The following GSG1L variants were observed in gnomAD, a reference collection of about 807,000 sequenced individuals.
The protein encoded by GSG1L is germ cell-specific gene 1-like protein.
GSG1L carries 24 observed loss-of-function variants against 42.1 expected under a neutral mutation model. The ratio of observed to expected loss-of-function variants is 0.57; its 90% CI spans 0.41 to 0.80. The LOEUF is 0.80. GSG1L is among the 30% of genes least tolerant of loss of function. The pLI is 0.00. For synonymous variants in GSG1L, 215 were observed against 203.5 expected (o/e 1.06, Z -0.48); for missense variants, 445 against 472.2 (o/e 0.94, Z 0.53).
chr16:28,043,369 G>A (rs2086129507), intron 1 of GSG1L, among the ~76,000 whole-genome samples: 1 of 152,196 alleles, frequency 6.6e-6, no homozygotes, highest in East Asian at 1.9e-4. Flanking sequence ...TTGAGGCTCG[G>A]AGTCCTCTCT....
chr16:27,980,426 A>G (rs969065246), intron 1 of GSG1L, among the ~76,000 whole-genome samples: 3 of 152,144 alleles, frequency 2.0e-5, no homozygotes, highest in African/African-American at 7.2e-5. Flanking sequence ...CAACAGAGAG[A>G]GGCAGTAGCA....
At chr16:27,980,050 C>A (rs2141124503) in intron 1 of GSG1L, among the ~76,000 whole-genome samples, 1 of 152,230 alleles carries the variant, frequency 6.6e-6, no homozygotes, top group Non-Finnish European at 1.5e-5. Flanking sequence ...GGCGTCTTCC[C>A]AAGCCAGAAG....
At chr16:27,994,466 C>T (rs1159642973) in intron 1 of GSG1L, among the ~76,000 whole-genome samples, 1 of 152,180 alleles carries the variant, frequency 6.6e-6, no homozygotes, top group African/African-American at 2.4e-5. Context: ...GCTGATAATA[C>T]TTCCTAATAC....
intron 2 of GSG1L, among the ~76,000 whole-genome samples, chr16:27,946,602 AGAGAGAGAGAG>A (rs2084866891): frequency 2.9e-4 from 2 of 6,870 alleles, no homozygotes; most frequent in Admixed American, 2.6e-3. Context: ...AGAGAGAGAG[AGAGAGAGAGAG>A]AGAGAGAGAG....
intron 2 of GSG1L, among the ~76,000 whole-genome samples, chr16:27,901,119 C>T (rs71389816): frequency 0.057 from 8,661 of 152,202 alleles, 308 homozygotes; most frequent in Non-Finnish European, 0.084. Context: ...CAGAGCGAGA[C>T]GCTGTCTCAA....
chr16:27,834,082 G>T (rs1283014837), intron 4 of GSG1L, among the ~76,000 whole-genome samples: 3 of 152,002 alleles, frequency 2.0e-5, no homozygotes, highest in African/African-American at 4.8e-5. Flanking sequence ...TTTTATAGAT[G>T]GTCTTTATCA....
intron 2 of GSG1L, among the ~76,000 whole-genome samples, chr16:27,960,043 C>T (rs991987089): frequency 1.3e-5 from 2 of 151,844 alleles, no homozygotes; most frequent in South Asian, 4.2e-4. Context: ...GAGCAGGGGA[C>T]AAGAGGGTAT....
intron 1 of GSG1L, among the ~76,000 whole-genome samples, chr16:28,037,924 A>G (rs1244272064): frequency 3.3e-5 from 5 of 152,104 alleles, no homozygotes; most frequent in African/African-American, 2.4e-5. Context: ...CCTGGTATCT[A>G]CACGTTGGAT....
intron 2 of GSG1L, among the ~76,000 whole-genome samples, chr16:27,912,420 G>C (rs1240280666): frequency 1.3e-5 from 2 of 152,180 alleles, no homozygotes; most frequent in African/African-American, 4.8e-5. Flanking sequence ...GGGAGGATGA[G>C]GTGGGAGGAT....
At chr16:28,000,862 C>T (rs1268697012) in intron 1 of GSG1L, among the ~76,000 whole-genome samples, 10 of 152,306 alleles carry the variant, frequency 6.6e-5, no homozygotes, top group Middle Eastern at 6.8e-3. Flanking sequence ...TCCCCTTGAC[C>T]CGCCATTGCT....
intron 1 of GSG1L, among the ~76,000 whole-genome samples, chr16:27,998,633 A>G (rs2085545813): frequency 1.3e-5 from 2 of 152,140 alleles, no homozygotes; most frequent in Middle Eastern, 3.4e-3. Context: ...ACAAAAATTT[A>G]AAAATTAGCT....
At chr16:27,872,787 T>C (rs1004804991) in intron 3 of GSG1L, among the ~76,000 whole-genome samples, 2 of 152,152 alleles carry the variant, frequency 1.3e-5, no homozygotes, top group Admixed American at 6.6e-5. Flanking sequence ...ACAGATGCCA[T>C]GGCAACATCA....
intron 5 of GSG1L, among the ~76,000 whole-genome samples, chr16:27,814,618 G>A (rs1026550105): frequency 6.6e-6 from 1 of 151,500 alleles, no homozygotes; most frequent in Non-Finnish European, 1.5e-5. Context: ...CCAGGAGGCG[G>A]AGGTTGCAGT....
At chr16:27,876,758 C>T (rs1469242236) in intron 3 of GSG1L, among the ~76,000 whole-genome samples, 2 of 152,166 alleles carry the variant, frequency 1.3e-5, no homozygotes, top group Non-Finnish European at 2.9e-5. Flanking sequence ...ACCCCGCAGG[C>T]CATAGGGGAG....
intron 1 of GSG1L, among the ~76,000 whole-genome samples, chr16:28,006,129 C>G (rs2085635012): frequency 6.6e-6 from 1 of 152,088 alleles, no homozygotes; most frequent in African/African-American, 2.4e-5. Context: ...ACAGGGTGAC[C>G]TCTAGAAGCC....
chr16:28,023,041 C>A (rs2085861846), intron 1 of GSG1L, among the ~76,000 whole-genome samples: 1 of 152,050 alleles, frequency 6.6e-6, no homozygotes, highest in South Asian at 2.1e-4. Flanking sequence ...GTTGCCTAGG[C>A]TGATCTCAAA....
At position 27,828,804 on chromosome 16, in the gene GSG1L, T is replaced by C. The variant is rs1336722013; in HGVS notation, c.815A>G (p.Lys272Arg). Residue 272 changes from lysine (K) to arginine (R), a missense_variant, in exon 5 of 7, where the codon AAG becomes AGG. Physicochemically the swap from Lys to Arg is conservative, Grantham distance 26 (BLOSUM62 2). This residue lies in a region of GSG1L where 140 missense variants were observed against 120.6 expected (regional missense o/e 1.16). Coordinates refer to ENST00000447459, the MANE Select transcript of GSG1L (RefSeq NM_001109763.2). ...GTGCACTGACCTCTCCCGGAAGTAC[T>C]TGATGGCCTCAGGGTCTATGAAGGT... is the stretch of plus-strand genomic sequence containing the variant. Reference protein sequence around the residue: ...EPTFIDPEAIKYFRERMEKRD... With the variant: ...EPTFIDPEAIRYFRERMEKRD... 3.1e-6 allele frequency: 5 copies of C among 1,614,066 alleles called. No homozygotes were observed. Among genetic ancestry groups the C allele is most frequent in the Non-Finnish European group, 2.5e-6 (3 of 1,179,942 alleles).
At chr16:27,797,058 C>T (rs534285659) in intron 6 of GSG1L, among the ~76,000 whole-genome samples, 4 of 152,240 alleles carry the variant, frequency 2.6e-5, no homozygotes, top group Non-Finnish European at 2.9e-5. Flanking sequence ...CTCAAAAATA[C>T]GAGTTAGGTG....
chr16:27,807,283 G>A (rs2082976422), intron 6 of GSG1L, among the ~76,000 whole-genome samples: 2 of 152,240 alleles, frequency 1.3e-5, no homozygotes, highest in South Asian at 2.1e-4. Context: ...ATCCCATCCC[G>A]ACTGGGAAGC....
Sources: gnomAD v4.1 joint callset for allele counts (sites outside exome capture counted in the v4.1 genomes callset) on GRCh38, gnomAD v4.1.1 for gene constraint, gnomAD v4.1.1 regional missense constraint, MANE v1.5 for transcripts, NCBI Gene and HGNC (gene_info 2026-07-23, HGNC 2026-07-21) for gene names.